Variants in TMPRSS11D observed in about 807,000 individuals in gnomAD.
TMPRSS11D encodes transmembrane protease serine 11D.
A neutral mutation model predicts 44.4 loss-of-function variants in TMPRSS11D; 32 were observed. The ratio of observed to expected loss-of-function variants is 0.72; its 90% confidence interval spans 0.54 to 0.97. The LOEUF is 0.97. TMPRSS11D is among the 50% of genes least tolerant of loss of function. TMPRSS11D has a pLI of 0.00. For missense variants in TMPRSS11D, 446 were observed against 502.6 expected (o/e 0.89, Z 1.08); for synonymous variants, 179 against 177.9 (o/e 1.01, Z -0.05).
intron 3 of TMPRSS11D, among the ~76,000 whole-genome samples, chr4:67,850,289 A>AC (rs1718469974): frequency 6.6e-6 from 1 of 152,162 alleles, no homozygotes; most frequent in African/African-American, 2.4e-5. Context: ...TCATCTACAA[A>AC]CCAGAAGGTG....
At chr4:67,870,968 G>C (rs1445599940) in intron 1 of TMPRSS11D, among the ~76,000 whole-genome samples, 3 of 152,038 alleles carry the variant, frequency 2.0e-5, no homozygotes, top group African/African-American at 7.3e-5. Context: ...CTCCATAAAG[G>C]TGAGGATTTT....
At chr4:67,823,264 C>T (rs948052776) in intron 9 of TMPRSS11D, among the ~76,000 whole-genome samples, 1 of 152,096 alleles carries the variant, frequency 6.6e-6, no homozygotes, top group Non-Finnish European at 1.5e-5. Context: ...TTTATATAGT[C>T]ATAAGCAAAA....
chr4:67,880,825 A>T (rs1197244516), intron 1 of TMPRSS11D, among the ~76,000 whole-genome samples: 2 of 152,120 alleles, frequency 1.3e-5, no homozygotes, highest in Non-Finnish European at 2.9e-5. Flanking sequence ...TTGAGCCCTG[A>T]GTGCATATAT....
At position 67,873,026 on chromosome 4, in the gene TMPRSS11D, G is replaced by A. The variant is rs141158933; in HGVS notation, c.8+10900C>T. On this transcript the variant is annotated intron_variant, in intron 1 of 9. Coordinates refer to ENST00000283916, the MANE Select transcript of TMPRSS11D (RefSeq NM_004262.3). Reference sequence around the variant, plus strand: ...TAAACCTGGTTGGACTCATGGAGATGTGTCACATATTTTCATCAACTGTCA... The same window carrying A: ...TAAACCTGGTTGGACTCATGGAGATATGTCACATATTTTCATCAACTGTCA... 4.8e-3 allele frequency among the ~76,000 whole-genome samples: 731 copies of A among 152,270 alleles called. 4 individuals carry two copies. The highest frequency in any genetic ancestry group is 7.8e-3 in the Admixed American group (119 of 15,288).
Position 67,838,190 on chromosome 4 carries a change from G to C in TMPRSS11D, c.457C>G (p.Pro153Ala). ...TACTTACATGTTATCTCAGTTGAAG[G>C]GTTTATTTCCAGGTTTCCAGAGTTA... Reference protein sequence around the residue: ...LNNSGNLEINPSTEITSLTDQ... With the variant: ...LNNSGNLEINASTEITSLTDQ... The change falls in exon 5 of 10, where the codon CCT (proline) becomes GCT (alanine). Residue 153 changes from proline to alanine, a missense_variant. Pro to Ala is a conservative substitution (Grantham distance 27). Transcript: ENST00000283916. The C allele has an allele frequency of 1.3e-6, 2 of 1,565,782 alleles. No homozygotes were observed.
At chr4:67,825,908 T>C (rs1196579793) in intron 8 of TMPRSS11D, 34 bp from the exon 9 acceptor site, 71 of 1,595,500 alleles carry the variant, frequency 4.5e-5, no homozygotes, top group Non-Finnish European at 5.9e-5. Flanking sequence ...AAAATGGACT[T>C]CAAGATGTGT....
At chr4:67,830,292 A>G (rs1441408033) in intron 7 of TMPRSS11D, among the ~76,000 whole-genome samples, 1 of 152,020 alleles carries the variant, frequency 6.6e-6, no homozygotes, top group African/African-American at 2.4e-5. Flanking sequence ...TATGGGTGGA[A>G]GGAGGGCAGT....
At chr4:67,833,484 A>G (rs1359996322) in intron 6 of TMPRSS11D, 103 bp from the exon 7 acceptor site, 1 of 1,117,090 alleles carries the variant, frequency 9.0e-7, no homozygotes, top group Non-Finnish European at 1.2e-6. Flanking sequence ...TGTCTTATAC[A>G]TTCTTCCTCA....
intron 3 of TMPRSS11D, among the ~76,000 whole-genome samples, chr4:67,848,601 T>C (rs1239396627): frequency 1.3e-5 from 2 of 152,212 alleles, no homozygotes; most frequent in Non-Finnish European, 2.9e-5. Flanking sequence ...CAATTAATGA[T>C]ATTAGAGACA....
intron 3 of TMPRSS11D, among the ~76,000 whole-genome samples, 155 bp downstream of exon 3, chr4:67,853,913 T>A (rs1431342404): frequency 6.6e-6 from 1 of 152,002 alleles, no homozygotes; most frequent in Non-Finnish European, 1.5e-5. Context: ...ATGAGTAAAC[T>A]AACTGGATAA....
In TMPRSS11D at chr4:67,821,987, G is replaced by A; in HGVS notation, c.*350C>T. 5.9e-6 allele frequency: 1 copy of A among 169,528 alleles called. No homozygotes were observed. The highest frequency in any genetic ancestry group is 2.4e-5 in the African/African-American group (1 of 42,200). 10.5% of individuals were successfully genotyped at this position (169,528 alleles called of 1,614,324 possible). On this transcript the variant is annotated 3_prime_UTR_variant, in exon 10 of 10. Transcript: ENST00000283916. The stretch of plus-strand genomic sequence containing the variant: ...AGTGAAACCCAGAGAAGACCCCTCT[G>A]ACCCATCAGACCTGTGCAGGTTCCT...
chr4:67,828,020 A>G (rs1409208789), intron 7 of TMPRSS11D, among the ~76,000 whole-genome samples: 2 of 151,744 alleles, frequency 1.3e-5, no homozygotes, highest in Admixed American at 6.6e-5. Context: ...AAGTCTGATA[A>G]TGGTTGAAGA....
chr4:67,879,432 A>G (rs906582650), intron 1 of TMPRSS11D, among the ~76,000 whole-genome samples: 4 of 147,758 alleles, frequency 2.7e-5, no homozygotes, highest in African/African-American at 1.0e-4. Flanking sequence ...AGATAAGGCC[A>G]CTGCACTCCA....
chr4:67,879,264 G>T (rs1391522318), intron 1 of TMPRSS11D, among the ~76,000 whole-genome samples: 1 of 151,886 alleles, frequency 6.6e-6, no homozygotes, highest in African/African-American at 2.4e-5. Context: ...GGCGGATCAC[G>T]AGGTCAGGAG....
intron 3 of TMPRSS11D, 59 bp from the exon 4 acceptor site, chr4:67,842,684 C>G (rs1343416098): frequency 6.8e-7 from 1 of 1,464,678 alleles, no homozygotes; most frequent in Non-Finnish European, 9.5e-7. Context: ...TCTCCTTCCT[C>G]TCAACCTTGC....
chr4:67,882,035 T>C (rs1392912001), intron 1 of TMPRSS11D, among the ~76,000 whole-genome samples: 1 of 152,154 alleles, frequency 6.6e-6, no homozygotes, highest in Non-Finnish European at 1.5e-5. Flanking sequence ...GGATCTGAAA[T>C]GAGTAACACA....
chr4:67,857,288 T>TG (rs1294291396), intron 2 of TMPRSS11D, among the ~76,000 whole-genome samples: 1 of 59,980 alleles, frequency 1.7e-5, no homozygotes, highest in East Asian at 3.6e-4. Flanking sequence ...TATATATATA[T>TG]ATATATATAT....
intron 2 of TMPRSS11D, among the ~76,000 whole-genome samples, chr4:67,858,305 T>G (rs1164960382): frequency 2.0e-5 from 3 of 152,178 alleles, no homozygotes; most frequent in Non-Finnish European, 4.4e-5. Context: ...GAACACAGTT[T>G]GCAGATGACT....
chr4:67,872,298 T>C (rs975825132), intron 1 of TMPRSS11D, among the ~76,000 whole-genome samples: 14 of 152,164 alleles, frequency 9.2e-5, no homozygotes. Context: ...CATTCTTTAT[T>C]TTCATTTTCT....
Sources: allele counts gnomAD v4.1 joint callset (sites outside exome capture counted in the v4.1 genomes callset), GRCh38; gene constraint gnomAD v4.1.1; transcripts MANE v1.5; gene names NCBI Gene and HGNC (gene_info 2026-07-23, HGNC 2026-07-21).